The following SGCD variants were observed in gnomAD, a reference collection of about 807,000 sequenced individuals.
SGCD encodes the protein sarcoglycan delta.
In SGCD, 18 loss-of-function variants were observed where a neutral mutation model predicts 36.6. The observed-to-expected ratio is 0.49, with a 90% confidence interval of 0.34 to 0.73. The LOEUF (loss-of-function observed/expected upper bound fraction) is 0.73, where lower values mean the gene tolerates loss of function less well. Ranked by LOEUF, SGCD falls within the 30% of genes least tolerant of loss-of-function variation. The pLI is 0.01. For synonymous variants in SGCD, 133 were observed against 130.6 expected, an observed-to-expected ratio of 1.02 and a Z score of -0.12; for missense variants, 387 against 346.7, an observed-to-expected ratio of 1.12 and a Z score of -0.92.
the SGCD span, among the ~76,000 whole-genome samples, chr5:155,847,558 A>G: frequency 6.6e-6 from 1 of 152,200 alleles, no homozygotes; most frequent in Non-Finnish European, 1.5e-5. Context: ...TGTAATATAA[A>G]TAATGGCGGG....
intron 3 of SGCD, among the ~76,000 whole-genome samples, chr5:156,257,970 C>A (rs554770471): frequency 6.6e-6 from 1 of 151,902 alleles, no homozygotes; most frequent in Non-Finnish European, 1.5e-5. Flanking sequence ...ATAATATGTG[C>A]GGTAAAATGG....
the SGCD span, among the ~76,000 whole-genome samples, chr5:155,799,641 T>C: frequency 2.0e-5 from 3 of 151,346 alleles, no homozygotes; most frequent in Non-Finnish European, 2.9e-5. Flanking sequence ...AGTGGTCTGC[T>C]CGCCTCGGCC....
the SGCD span, among the ~76,000 whole-genome samples, chr5:155,735,246 T>C: frequency 2.1e-3 from 324 of 152,350 alleles, no homozygotes; most frequent in Non-Finnish European, 2.5e-3. Flanking sequence ...TCAGTAGTTG[T>C]TGATTAACTA....
At chr5:156,162,628 C>T (rs1358634811) in intron 3 of SGCD, among the ~76,000 whole-genome samples, 1 of 151,592 alleles carries the variant, frequency 6.6e-6, no homozygotes, top group African/African-American at 2.4e-5. Context: ...CATCACCATT[C>T]CCCCATCGTT....
At chr5:155,957,798 A>G (rs906365854) in intron 1 of SGCD, among the ~76,000 whole-genome samples, 1 of 152,170 alleles carries the variant, frequency 6.6e-6, no homozygotes, top group Non-Finnish European at 1.5e-5. Flanking sequence ...TTTGCTATGC[A>G]TATAATACAA....
chr5:156,521,863 A>G (rs1156754294), intron 4 of SGCD, among the ~76,000 whole-genome samples: 1 of 152,244 alleles, frequency 6.6e-6, no homozygotes, highest in African/African-American at 2.4e-5. Flanking sequence ...CCAAAGGAAT[A>G]TAGATCATTC....
At chr5:156,136,390 G>A (rs1163836858) in intron 3 of SGCD, among the ~76,000 whole-genome samples, 2 of 152,180 alleles carry the variant, frequency 1.3e-5, no homozygotes, top group Non-Finnish European at 2.9e-5. Context: ...GGGATTATAG[G>A]TGTGAGTCAT....
At chr5:155,984,377 C>G (rs1561672489) in intron 1 of SGCD, among the ~76,000 whole-genome samples, 1 of 152,038 alleles carries the variant, frequency 6.6e-6, no homozygotes, top group African/African-American at 2.4e-5. Context: ...GGAGGAGAGG[C>G]CTGTACTTTG....
chr5:156,727,044 G>A (rs559151120), intron 7 of SGCD, among the ~76,000 whole-genome samples: 1 of 152,206 alleles, frequency 6.6e-6, no homozygotes, highest in Non-Finnish European at 1.5e-5. Context: ...TGAAGGTAAT[G>A]TTTATTCAGG....
chr5:156,629,804 T>C (rs1762562020), intron 6 of SGCD, among the ~76,000 whole-genome samples: 1 of 151,638 alleles, frequency 6.6e-6, no homozygotes, highest in Non-Finnish European at 1.5e-5. Flanking sequence ...ATTTGGCCCA[T>C]GGGTTCTAGT....
At chr5:156,213,278 T>C (rs1014315277) in intron 3 of SGCD, among the ~76,000 whole-genome samples, 1 of 151,628 alleles carries the variant, frequency 6.6e-6, no homozygotes, top group South Asian at 2.1e-4. Flanking sequence ...AAACTCAATA[T>C]AGGAAATGAA....
chr5:155,956,342 T>A (rs770630356), intron 1 of SGCD, among the ~76,000 whole-genome samples: 27 of 152,082 alleles, frequency 1.8e-4, no homozygotes, highest in Non-Finnish European at 2.6e-4. Flanking sequence ...TTGTGACCAA[T>A]GGAACACTGA....
chr5:156,644,696 A>C (rs1401274288), intron 6 of SGCD, among the ~76,000 whole-genome samples: 1 of 152,118 alleles, frequency 6.6e-6, no homozygotes, highest in African/African-American at 2.4e-5. Flanking sequence ...ATTTGGGGTT[A>C]ACAGTTTAAC....
At chr5:156,415,007 T>G (rs1469034737) in intron 3 of SGCD, among the ~76,000 whole-genome samples, 1 of 152,194 alleles carries the variant, frequency 6.6e-6, no homozygotes, top group Non-Finnish European at 1.5e-5. Context: ...TTTTATTCTT[T>G]GGAGGCAGAA....
intron 1 of SGCD, among the ~76,000 whole-genome samples, chr5:156,110,836 A>G (rs1761765224): frequency 6.6e-6 from 1 of 152,174 alleles, no homozygotes. Context: ...TCTTCTAGCT[A>G]CTTCCGGCAG....
chr5:155,794,200 C>T, the SGCD span, among the ~76,000 whole-genome samples: 1 of 152,058 alleles, frequency 6.6e-6, no homozygotes, highest in Admixed American at 6.6e-5. Flanking sequence ...CTCTGGTAAT[C>T]ACCTCGAATT....
chr5:156,106,503 A>G (rs1761653529), intron 1 of SGCD, among the ~76,000 whole-genome samples: 1 of 152,212 alleles, frequency 6.6e-6, no homozygotes, highest in African/African-American at 2.4e-5. Context: ...TTTAATCTAG[A>G]ACAATCTATT....
intron 3 of SGCD, among the ~76,000 whole-genome samples, chr5:156,471,529 A>G (rs1017839605): frequency 5.9e-5 from 9 of 152,152 alleles, no homozygotes; most frequent in Non-Finnish European, 1.2e-4. Flanking sequence ...TGATTTTTCT[A>G]TGAGAGTGCT....
intron 1 of SGCD, among the ~76,000 whole-genome samples, chr5:155,981,587 T>G (rs1302847803): frequency 1.3e-5 from 2 of 152,198 alleles, no homozygotes; most frequent in African/African-American, 2.4e-5. Flanking sequence ...TGGTTGCCCT[T>G]TACGTTTTCA....
Sources: gnomAD v4.1 joint callset for allele counts (sites outside exome capture counted in the v4.1 genomes callset) on GRCh38, gnomAD v4.1.1 for gene constraint, MANE v1.5 for transcripts, NCBI Gene and HGNC (gene_info 2026-07-23, HGNC 2026-07-21) for gene names.